The following SPATA6L variants were observed in gnomAD, a reference collection of about 807,000 sequenced individuals.
The protein encoded by SPATA6L is spermatogenesis associated 6-like protein.
In SPATA6L, 68 loss-of-function variants were observed where a neutral mutation model predicts 49.2. That is an observed-to-expected ratio of 1.38 (90% CI 1.14 to 1.69). The LOEUF is 1.69. SPATA6L is among the 40% of genes most tolerant of loss of function. The pLI, the probability that SPATA6L is intolerant of heterozygous loss-of-function variation, is 0.00. For synonymous variants in SPATA6L, 198 were observed against 165.7 expected (o/e 1.19, Z -1.50); for missense variants, 668 against 464.3 (o/e 1.44, Z -4.03).
At chr9:4,617,024 G>C (rs1828184331) in intron 9 of SPATA6L, among the ~76,000 whole-genome samples, 1 of 152,118 alleles carries the variant, frequency 6.6e-6, no homozygotes, top group South Asian at 2.1e-4. Context: ...TTTGAATATA[G>C]AGTTATTATG....
intron 9 of SPATA6L, among the ~76,000 whole-genome samples, chr9:4,606,019 G>A (rs1047638749): frequency 2.0e-5 from 3 of 152,050 alleles, no homozygotes; most frequent in Non-Finnish European, 2.9e-5. Context: ...GGGTCAGGCA[G>A]TTCCCTTTCC....
chr9:4,605,447 A>C lies in SPATA6L; in HGVS notation c.996-7T>G. The C allele has an allele frequency of 6.2e-7, 1 of 1,600,932 alleles. No individual in the cohort carries two copies. The highest frequency in any genetic ancestry group is 8.6e-7 in the Non-Finnish European group (1 of 1,167,934). On this transcript the variant is annotated splice_polypyrimidine_tract_variant and splice_region_variant and intron_variant, in intron 9 of 11. Transcript: ENST00000682582. ...CTGAGAACCAGGATGGAACCTGCTC[A>C]ACAGATGGAACAGGGTGGAATATTA...
intron 9 of SPATA6L, among the ~76,000 whole-genome samples, chr9:4,615,274 AT>A (rs931613764): frequency 1.3e-4 from 20 of 151,994 alleles, no homozygotes; most frequent in Admixed American, 9.8e-4. Context: ...CTTTTTTATT[AT>A]TTTTTTTATA....
chr9:4,634,876 C>T (rs1327517825), intron 4 of SPATA6L, among the ~76,000 whole-genome samples: 2 of 152,144 alleles, frequency 1.3e-5, no homozygotes, highest in African/African-American at 2.4e-5. Context: ...ACCATATCTG[C>T]CTTGGCTAAC....
intron 9 of SPATA6L, among the ~76,000 whole-genome samples, chr9:4,616,692 T>C (rs961055954): frequency 1.3e-5 from 2 of 152,140 alleles, no homozygotes; most frequent in African/African-American, 2.4e-5. Flanking sequence ...TTCAAGCAAT[T>C]CTCCTGCCTC....
chr9:4,614,696 G>A (rs1047894604), intron 9 of SPATA6L, among the ~76,000 whole-genome samples: 8 of 152,268 alleles, frequency 5.3e-5, no homozygotes, highest in African/African-American at 1.9e-4. Flanking sequence ...CAAACTTTTG[G>A]TACTGAAACC....
chr9:4,654,007 C>A (rs1479448483), intron 3 of SPATA6L, among the ~76,000 whole-genome samples: 1 of 152,014 alleles, frequency 6.6e-6, no homozygotes, highest in Non-Finnish European at 1.5e-5. Flanking sequence ...AGACATTTCC[C>A]CCAAAGAAAA....
chr9:4,621,061 G>C (rs1829186018), intron 7 of SPATA6L, among the ~76,000 whole-genome samples: 1 of 152,206 alleles, frequency 6.6e-6, no homozygotes, highest in South Asian at 2.1e-4. Context: ...CCCTTAAAAT[G>C]TAAACCTTTA....
intron 9 of SPATA6L, among the ~76,000 whole-genome samples, chr9:4,613,104 C>T (rs7870928): frequency 0.032 from 4,874 of 151,858 alleles, 239 homozygotes; most frequent in African/African-American, 0.11. Flanking sequence ...GGTGGTACAT[C>T]TGTAGTCCCA....
At chr9:4,656,450 AAGG>A (rs750780346) in intron 2 of SPATA6L, among the ~76,000 whole-genome samples, 5,705 of 121,764 alleles carry the variant, frequency 0.047, 205 homozygotes, top group African/African-American at 0.074. Flanking sequence ...GAAAGGAAGG[AAGG>A]AAGGAAGGAA....
At chr9:4,626,757 A>G (rs1830427273) in intron 5 of SPATA6L, 1 of 331,314 alleles carries the variant, frequency 3.0e-6, no homozygotes, top group Admixed American at 3.9e-5. Context: ...GAATGGCCAG[A>G]CAGATTACAG....
At chr9:4,613,996 G>C (rs1476303623) in intron 9 of SPATA6L, among the ~76,000 whole-genome samples, 1 of 152,118 alleles carries the variant, frequency 6.6e-6, no homozygotes, top group Non-Finnish European at 1.5e-5. Flanking sequence ...CATAGGTCTA[G>C]AGTAACCAAT....
At chr9:4,632,389 A>G (rs1831795230) in intron 4 of SPATA6L, among the ~76,000 whole-genome samples, 1 of 151,942 alleles carries the variant, frequency 6.6e-6, no homozygotes, top group Non-Finnish European at 1.5e-5. Context: ...TGAGGTCAGG[A>G]GTTCGAGACC....
chr9:4,663,739 A>G (rs548962428), intron 1 of SPATA6L: 1 of 167,994 alleles, frequency 6.0e-6, no homozygotes, highest in Non-Finnish European at 1.5e-5. Context: ...CAGTATTTTT[A>G]AAGTCCAAGA....
chr9:4,647,835 GTT>G (rs35475971), intron 3 of SPATA6L, among the ~76,000 whole-genome samples: 6 of 78,032 alleles, frequency 7.7e-5, no homozygotes, highest in Admixed American at 1.2e-4. Context: ...AAACATTTTA[GTT>G]TTTTTTTTTT....
intron 13 of SPATA6L, among the ~76,000 whole-genome samples, chr9:4,592,397 G>C (rs1821965112): frequency 6.6e-6 from 1 of 151,742 alleles, no homozygotes; most frequent in Non-Finnish European, 1.5e-5. Flanking sequence ...TATGTGGCAA[G>C]CAGTGCTCTT....
At chr9:4,619,908 T>C (rs1374235211) in intron 7 of SPATA6L, among the ~76,000 whole-genome samples, 11 of 152,136 alleles carry the variant, frequency 7.2e-5, no homozygotes, top group Admixed American at 3.9e-4. Flanking sequence ...TTAAAAAATG[T>C]TTTTAAAATG....
chr9:4,641,353 G>C (rs1160358534), intron 3 of SPATA6L, among the ~76,000 whole-genome samples: 1 of 152,106 alleles, frequency 6.6e-6, no homozygotes, highest in African/African-American at 2.4e-5. Flanking sequence ...ATATAAAATG[G>C]TGTAGTTGCG....
intron 4 of SPATA6L, among the ~76,000 whole-genome samples, chr9:4,634,470 T>C: frequency 6.6e-6 from 1 of 152,212 alleles, no homozygotes; most frequent in Non-Finnish European, 1.5e-5. Flanking sequence ...AGAAGCTCTG[T>C]CATGATAAGC....
Sources: gnomAD v4.1 joint callset for allele counts (sites outside exome capture counted in the v4.1 genomes callset) on GRCh38, gnomAD v4.1.1 for gene constraint, MANE v1.5 for transcripts, NCBI Gene and HGNC (gene_info 2026-07-23, HGNC 2026-07-21) for gene names.